STS: variants seen among roughly 807,000 people sequenced by gnomAD.
The protein encoded by STS is steryl-sulfatase.
A neutral mutation model predicts 26.8 loss-of-function variants in STS; 7 were observed. That is an observed-to-expected ratio of 0.26 (90% CI 0.15 to 0.49). The LOEUF (loss-of-function observed/expected upper bound fraction) is 0.49, where lower values mean the gene tolerates loss of function less well. Among genes scored for constraint, STS ranks in the 20% least tolerant of loss-of-function variants. The probability of loss-of-function intolerance (pLI) is 0.98; values close to 1 mark genes in which losing one functional copy is unlikely to be tolerated. For missense variants in STS, 434 were observed against 465.6 expected (o/e 0.93, Z 0.63); for synonymous variants, 199 against 189.4 (o/e 1.05, Z -0.42).
At chrX:7,207,486 G>A (rs751145719) in intron 2 of STS, among the ~76,000 whole-genome samples, 1 of 111,753 alleles carries the variant, frequency 8.9e-6, no homozygotes, top group Non-Finnish European at 1.9e-5. Flanking sequence ...ACACTTTTAG[G>A]CAGGGAGGAA....
At chrX:7,307,898 T>C (rs1469616680) in intron 8 of STS, among the ~76,000 whole-genome samples, 2 of 112,570 alleles carry the variant, frequency 1.8e-5, no homozygotes, top group Admixed American at 1.9e-4. Context: ...TATGTTAAAG[T>C]GTTATCTGTA....
At chrX:7,171,784 G>C (rs1337699138) in intron 1 of STS, among the ~76,000 whole-genome samples, 1 of 111,842 alleles carries the variant, frequency 8.9e-6, no homozygotes. Context: ...TATTCGATTA[G>C]ATCCATTGGA....
chrX:7,324,261 C>G (rs1927250562), intron 8 of STS, among the ~76,000 whole-genome samples: 1 of 110,331 alleles, frequency 9.1e-6, no homozygotes, highest in Non-Finnish European at 1.9e-5. Flanking sequence ...GACCTGCAGT[C>G]AATAGAAGGG....
intron 7 of STS, among the ~76,000 whole-genome samples, chrX:7,286,005 G>T (rs1388784250): frequency 9.0e-6 from 1 of 111,594 alleles, no homozygotes; most frequent in African/African-American, 3.3e-5. Context: ...GAATCCCAAG[G>T]CATCTATGAC....
At chrX:7,194,043 T>G (rs1933926286) in intron 2 of STS, among the ~76,000 whole-genome samples, 1 of 111,578 alleles carries the variant, frequency 9.0e-6, no homozygotes, top group Non-Finnish European at 1.9e-5. Flanking sequence ...TAGCTGGGAC[T>G]ACAGGCAAGC....
Position 7,353,093 on chromosome X carries a change from A to T in STS, c.*2832A>T, listed in dbSNP as rs774725331. The T allele has an allele frequency of 8.9e-6, 1 of 112,139 alleles. No individual in the cohort carries two copies. Among genetic ancestry groups the T allele is most frequent in the Admixed American group, 9.5e-5 (1 of 10,492 alleles). 9.2% of individuals were successfully genotyped at this position (112,139 alleles called of 1,213,427 possible). A position where few individuals can be genotyped will look rare whatever the true frequency, so the allele number is the denominator to read the frequency against. On this transcript the variant is annotated 3_prime_UTR_variant, in exon 11 of 11. Transcript: ENST00000674429. ...GCTGTGCGCTAATACCCTGCTTTCT[A>T]TCGTGACTCAATTCAACAATGTGGG... is the stretch of plus-strand genomic sequence containing the variant.
At chrX:7,290,423 C>T (rs1447433815) in intron 7 of STS, among the ~76,000 whole-genome samples, 1 of 111,936 alleles carries the variant, frequency 8.9e-6, no homozygotes, top group Non-Finnish European at 1.9e-5. Context: ...TTACTGTCTG[C>T]CAGGTGTTAT....
intron 6 of STS, among the ~76,000 whole-genome samples, chrX:7,272,513 C>T (rs770842349): frequency 9.0e-6 from 1 of 111,528 alleles, no homozygotes; most frequent in African/African-American, 3.3e-5. Context: ...CTAGAGCAAC[C>T]GTTACATAAA....
intron 2 of STS, among the ~76,000 whole-genome samples, chrX:7,204,558 C>G (rs777779994): frequency 3.2e-5 from 3 of 92,910 alleles, no homozygotes; most frequent in African/African-American, 1.2e-4. Flanking sequence ...CCTTCCTTCC[C>G]TTCCTTTTCT....
At chrX:7,167,847 C>G (rs1252643555) in intron 1 of STS, among the ~76,000 whole-genome samples, 1 of 110,766 alleles carries the variant, frequency 9.0e-6, no homozygotes, top group African/African-American at 3.3e-5. Flanking sequence ...ACCACCATGC[C>G]TGGCTAATTT....
intron 7 of STS, among the ~76,000 whole-genome samples, chrX:7,287,143 G>A (rs1340603147): frequency 9.0e-6 from 1 of 111,162 alleles, no homozygotes; most frequent in African/African-American, 3.3e-5. Context: ...GGCTTAGGAT[G>A]AAGTCACTGA....
chrX:7,284,029 G>A (rs1925005077), intron 7 of STS, among the ~76,000 whole-genome samples: 1 of 111,140 alleles, frequency 9.0e-6, no homozygotes, highest in Admixed American at 9.6e-5. Flanking sequence ...CAGCAAAGAT[G>A]CCATGCACGG....
intron 6 of STS, among the ~76,000 whole-genome samples, chrX:7,267,655 G>T (rs909350325): frequency 1.8e-5 from 2 of 111,814 alleles, no homozygotes; most frequent in Non-Finnish European, 3.8e-5. Context: ...TGCCCACTTC[G>T]AACAGTAGAT....
At chrX:7,324,803 AT>A (rs1402914150) in intron 8 of STS, among the ~76,000 whole-genome samples, 5 of 111,535 alleles carry the variant, frequency 4.5e-5, no homozygotes, top group African/African-American at 1.6e-4. Context: ...TTAGAATTTT[AT>A]TTTTGGTTTA....
intron 7 of STS, among the ~76,000 whole-genome samples, chrX:7,291,648 A>G (rs930014993): frequency 5.4e-5 from 6 of 111,904 alleles, no homozygotes; most frequent in African/African-American, 3.2e-5. Context: ...TAGCTCATCA[A>G]TTACTTAAAT....
chrX:7,285,029 A>T (rs1256986244), intron 7 of STS, among the ~76,000 whole-genome samples: 1 of 110,911 alleles, frequency 9.0e-6, no homozygotes, highest in Non-Finnish European at 1.9e-5. Flanking sequence ...GGCGATGCTG[A>T]TGATGGTGGT....
intron 9 of STS, 146 bp downstream of exon 9, chrX:7,325,644 T>A: frequency 1.5e-6 from 1 of 661,664 alleles, no homozygotes; most frequent in Non-Finnish European, 2.4e-6. Context: ...GCAGGTCAAT[T>A]AATAGGATAA....
At chrX:7,319,953 A>C (rs1418971138) in intron 8 of STS, among the ~76,000 whole-genome samples, 1 of 94,067 alleles carries the variant, frequency 1.1e-5, no homozygotes, top group African/African-American at 4.0e-5. Context: ...TTATATGTAT[A>C]TTTATATATA....
At chrX:7,271,786 A>T (rs1372359587) in intron 6 of STS, among the ~76,000 whole-genome samples, 3 of 94,998 alleles carry the variant, frequency 3.2e-5, no homozygotes, top group Non-Finnish European at 6.4e-5. Flanking sequence ...ATATTCTTGT[A>T]AAAAAAAAAA....
Sources: allele counts gnomAD v4.1 joint callset (sites outside exome capture counted in the v4.1 genomes callset), GRCh38; gene constraint gnomAD v4.1.1; transcripts MANE v1.5; gene names NCBI Gene and HGNC (gene_info 2026-07-23, HGNC 2026-07-21).